Variants in MKLN1 observed in about 807,000 individuals in gnomAD.
The protein encoded by MKLN1 is muskelin 1.
A neutral mutation model predicts 99.0 loss-of-function variants in MKLN1; 18 were observed. The ratio of observed to expected loss-of-function variants is 0.18; its 90% confidence interval spans 0.13 to 0.27. The LOEUF is 0.27. MKLN1 is among the 10% of genes least tolerant of loss of function. The pLI is 1.00. For missense variants in MKLN1, 621 were observed against 875.9 expected (o/e 0.71, Z 3.67); for synonymous variants, 288 against 293.2 (o/e 0.98, Z 0.18).
rs1390749743 is a variant in MKLN1 at position 131,138,376 on chromosome 7, A to T, written c.-418-4444A>T. Among the ~76,000 whole-genome samples the T allele has an allele frequency of 3.3e-5, 5 of 152,356 alleles. No homozygotes were observed. The East Asian group carries it at 7.7e-4, about 23-fold the overall frequency. ...ACGGTTTTTAAATTTTTCATAAAAA[A>T]TTTTAAAAATAAACCAGCCGTAACA... On this transcript the variant is annotated intron_variant, in intron 1 of 7. Coordinates refer to the MKLN1 transcript ENST00000416992.
intron 10 of MKLN1, among the ~76,000 whole-genome samples, chr7:131,439,870 ACACACACACACACACAC>A (rs1795782038): frequency 5.2e-3 from 1 of 192 alleles, no homozygotes; most frequent in African/African-American, 0.019. Context: ...ATTTAAACAC[ACACACACACACACACAC>A]ACACACACAC....
chr7:131,426,702 A>G (rs1005348575), intron 8 of MKLN1, among the ~76,000 whole-genome samples: 4 of 151,966 alleles, frequency 2.6e-5, no homozygotes, highest in Non-Finnish European at 1.5e-5. Flanking sequence ...ATTTTTATGT[A>G]TATTTTAAAG....
intron 1 of MKLN1, among the ~76,000 whole-genome samples, chr7:131,362,470 C>T (rs1308638544): frequency 2.0e-5 from 3 of 152,008 alleles, no homozygotes; most frequent in African/African-American, 4.8e-5. Context: ...TCTTCAAAGT[C>T]TGCATAGTTT....
chr7:131,282,376 T>C (rs138524538), intron 3 of MKLN1, among the ~76,000 whole-genome samples: 20 of 145,514 alleles, frequency 1.4e-4, no homozygotes, highest in African/African-American at 4.6e-4. Context: ...AAAAGAAAGA[T>C]GAAGAAAACA....
chr7:131,229,460 G>C (rs1276319141), intron 3 of MKLN1, among the ~76,000 whole-genome samples: 2 of 152,174 alleles, frequency 1.3e-5, no homozygotes, highest in Non-Finnish European at 2.9e-5. Flanking sequence ...TGGGGACCAA[G>C]GGCTTTGTTA....
chr7:131,479,597 C>A (rs1279624033), intron 17 of MKLN1, among the ~76,000 whole-genome samples: 1 of 151,666 alleles, frequency 6.6e-6, no homozygotes, highest in Non-Finnish European at 1.5e-5. Flanking sequence ...GAGGCTGAGG[C>A]AGGAGGATCA....
chr7:131,307,160 C>G (rs1798479834), intron 3 of MKLN1, among the ~76,000 whole-genome samples: 1 of 152,136 alleles, frequency 6.6e-6, no homozygotes, highest in South Asian at 2.1e-4. Flanking sequence ...ATCTTGGTGG[C>G]TTCTATGTGG....
chr7:131,466,908 C>T (rs1796676432), intron 15 of MKLN1, among the ~76,000 whole-genome samples: 1 of 149,130 alleles, frequency 6.7e-6, no homozygotes, highest in Non-Finnish European at 1.5e-5. Context: ...TACATATACA[C>T]ACACACACAC....
At chr7:131,193,628 C>A (rs1796600554) in intron 2 of MKLN1, among the ~76,000 whole-genome samples, 1 of 151,922 alleles carries the variant, frequency 6.6e-6, no homozygotes, top group South Asian at 2.1e-4. Flanking sequence ...CCCGCCTCGG[C>A]CTCTCAGCCT....
At chr7:131,271,990 C>T (rs975248389) in intron 3 of MKLN1, among the ~76,000 whole-genome samples, 2 of 152,030 alleles carry the variant, frequency 1.3e-5, no homozygotes, top group African/African-American at 4.8e-5. Context: ...ACTTCCAATT[C>T]CCCGTACATC....
intron 12 of MKLN1, among the ~76,000 whole-genome samples, chr7:131,455,816 C>T (rs1796318096): frequency 6.6e-6 from 1 of 152,156 alleles, no homozygotes; most frequent in South Asian, 2.1e-4. Context: ...GAGGCCGAGG[C>T]AGGCGAATCA....
intron 2 of MKLN1, among the ~76,000 whole-genome samples, chr7:131,144,849 C>T (rs912663651): frequency 2.2e-4 from 34 of 152,148 alleles, no homozygotes; most frequent in Non-Finnish European, 3.7e-4. Flanking sequence ...TGGTGGCACA[C>T]GCCTGTAATC....
At chr7:131,231,863 T>C (rs956480895) in intron 3 of MKLN1, among the ~76,000 whole-genome samples, 5 of 152,170 alleles carry the variant, frequency 3.3e-5, no homozygotes, top group African/African-American at 1.2e-4. Flanking sequence ...AGAATGCCAA[T>C]GTCATGCTGA....
chr7:131,277,087 G>A (rs1797985391), intron 3 of MKLN1, among the ~76,000 whole-genome samples: 1 of 152,096 alleles, frequency 6.6e-6, no homozygotes, highest in South Asian at 2.1e-4. Flanking sequence ...TCTTGTACAA[G>A]TATCTGTACT....
At chr7:131,470,688 G>T in intron 15 of MKLN1, 154 bp from the exon 16 acceptor site, 2 of 608,666 alleles carry the variant, frequency 3.3e-6, no homozygotes, top group Non-Finnish European at 5.8e-6. Context: ...CTACCTGGCA[G>T]TATTGTTAAT....
intron 2 of MKLN1, among the ~76,000 whole-genome samples, chr7:131,149,815 C>G (rs12112661): frequency 2.6e-4 from 40 of 152,052 alleles, no homozygotes; most frequent in South Asian, 2.1e-4. Context: ...AACAAGTGAC[C>G]CTTGTTGGAA....
intron 1 of MKLN1, among the ~76,000 whole-genome samples, chr7:131,117,456 C>CAACA (rs947349093): frequency 3.3e-5 from 5 of 149,802 alleles, no homozygotes; most frequent in Admixed American, 6.7e-5. Flanking sequence ...ACAACAACAA[C>CAACA]AACAAACAAA....
intron 3 of MKLN1, among the ~76,000 whole-genome samples, chr7:131,216,597 G>A (rs985301789): frequency 2.6e-5 from 4 of 152,054 alleles, no homozygotes; most frequent in Non-Finnish European, 5.9e-5. Flanking sequence ...TGTCTATTTT[G>A]TAAAGGATTA....
intron 3 of MKLN1, among the ~76,000 whole-genome samples, chr7:131,304,641 A>G (rs1279550564): frequency 2.0e-5 from 3 of 152,150 alleles, no homozygotes; most frequent in African/African-American, 7.2e-5. Flanking sequence ...CTGTTAAAGA[A>G]AACATGAATT....
Sources: allele counts gnomAD v4.1 joint callset (sites outside exome capture counted in the v4.1 genomes callset), GRCh38; gene constraint gnomAD v4.1.1; transcripts MANE v1.5; gene names NCBI Gene and HGNC (gene_info 2026-07-23, HGNC 2026-07-21).